USP44: variants seen among roughly 807,000 people sequenced by gnomAD.
The protein encoded by USP44 is ubiquitin specific peptidase 44, also known as ubiquitin carboxyl-terminal hydrolase 44.
In USP44, 61 loss-of-function variants were observed where a neutral mutation model predicts 69.0. That is an observed-to-expected ratio of 0.88 (90% CI 0.72 to 1.09). The LOEUF is 1.09. Ranked by LOEUF, USP44 falls within the 50% of genes least tolerant of loss-of-function variation. USP44 has a pLI of 0.00. For missense variants in USP44, 753 were observed against 849.9 expected, an observed-to-expected ratio of 0.89 and a Z score of 1.42; for synonymous variants, 297 against 295.4, an observed-to-expected ratio of 1.01 and a Z score of -0.06.
intron 5 of USP44, among the ~76,000 whole-genome samples, chr12:95,518,871 AG>A (rs929943935): frequency 1.3e-4 from 20 of 152,102 alleles, no homozygotes; most frequent in South Asian, 4.1e-4. Context: ...CCTGGGAGGC[AG>A]AGGTTGCAGT....
intron 1 of USP44, among the ~76,000 whole-genome samples, chr12:95,535,189 G>A (rs1010588028): frequency 3.9e-5 from 6 of 152,282 alleles, no homozygotes; most frequent in African/African-American, 1.4e-4. Context: ...TAAACCATCT[G>A]TAAAAGAGGG....
At chr12:95,529,104 A>G (rs2076941686) in intron 2 of USP44, 102 bp from the exon 3 acceptor site, 1 of 1,011,150 alleles carries the variant, frequency 9.9e-7, no homozygotes, top group South Asian at 2.0e-5. Context: ...TTCTCATGAA[A>G]ATGCACCATT....
At chr12:95,537,468 G>A (rs919142352) in intron 1 of USP44, among the ~76,000 whole-genome samples, 4 of 151,930 alleles carry the variant, frequency 2.6e-5, no homozygotes, top group Non-Finnish European at 5.9e-5. Context: ...ACAGGCACAC[G>A]TCACCATGTC....
intron 3 of USP44, among the ~76,000 whole-genome samples, chr12:95,526,399 T>C (rs1023452889): frequency 2.0e-5 from 3 of 152,066 alleles, no homozygotes; most frequent in Admixed American, 6.6e-5. Flanking sequence ...GGTGAAACCC[T>C]GTCTCTACTA....
chr12:95,542,796 TAGTA>T (rs2077432761), intron 1 of USP44, among the ~76,000 whole-genome samples: 1 of 143,092 alleles, frequency 7.0e-6, no homozygotes, highest in Non-Finnish European at 1.5e-5. Flanking sequence ...AGGTTGAAAA[TAGTA>T]AGTCCTTGGC....
intron 1 of USP44, among the ~76,000 whole-genome samples, chr12:95,544,394 C>T (rs1434776567): frequency 6.6e-6 from 1 of 152,070 alleles, no homozygotes; most frequent in African/African-American, 2.4e-5. Context: ...TTTCAGCCAG[C>T]CACTCTCTTT....
chr12:95,542,789 T>C (rs1318216518), intron 1 of USP44, among the ~76,000 whole-genome samples: 4 of 138,748 alleles, frequency 2.9e-5, no homozygotes, highest in African/African-American at 1.1e-4. Flanking sequence ...CAACCAGAGG[T>C]TGAAAATAGT....
At chr12:95,522,052 T>C in intron 4 of USP44, 1 of 985,430 alleles carries the variant, frequency 1.0e-6, no homozygotes, top group South Asian at 4.7e-5. Flanking sequence ...CTGCTGGTCA[T>C]ACTTCCCATT....
rs2076528137 is a variant in USP44, at chr12:95,517,988, A to G, written c.*166T>C. On this transcript the variant is annotated 3_prime_UTR_variant, in exon 6 of 6. Coordinates refer to ENST00000258499, the MANE Select transcript of USP44 (RefSeq NM_032147.5). ...AAATATGAAAAAAGTAGTTACCTTC[A>G]GTTGATATATACATTTATACTTTGT... 1.7e-6 allele frequency: 1 copy of G among 600,050 alleles called. No homozygotes were observed. The highest frequency in any genetic ancestry group is 2.7e-6 in the Non-Finnish European group (1 of 375,482). The allele number at this position is 600,050 out of a possible 1,614,324, so 37.2% of individuals were successfully genotyped here. A position where few individuals can be genotyped will look rare whatever the true frequency, so the allele number is the denominator to read the frequency against.
chr12:95,524,800 A>C lies in USP44; in HGVS notation c.1625-12T>G, dbSNP rs773385987. 29 of 1,577,262 alleles carry C rather than the reference A, an allele frequency of 1.8e-5. No homozygotes were observed. In the Middle Eastern group the frequency reaches 6.8e-4, roughly 37 times the overall value. ...CCTTCTACGCTTTGCTGTAACATCA[A>C]AGAAAGAATAAAAATCAAATTTCAT... On this transcript the variant is annotated splice_polypyrimidine_tract_variant and intron_variant, in intron 3 of 5. Transcript: ENST00000258499.
chr12:95,525,113 C>T (rs1263568992), intron 3 of USP44, among the ~76,000 whole-genome samples: 1 of 152,144 alleles, frequency 6.6e-6, no homozygotes, highest in African/African-American at 2.4e-5. Context: ...ACTCTGTTGC[C>T]CAGGCTGGAG....
intron 2 of USP44, among the ~76,000 whole-genome samples, chr12:95,530,961 G>A (rs752229215): frequency 3.3e-5 from 5 of 152,088 alleles, no homozygotes; most frequent in East Asian, 1.9e-4. Flanking sequence ...TCAGGAGATC[G>A]AGACCATCCT....
intron 5 of USP44, among the ~76,000 whole-genome samples, chr12:95,520,596 T>C (rs921258766): frequency 6.6e-6 from 1 of 152,198 alleles, no homozygotes; most frequent in Non-Finnish European, 1.5e-5. Context: ...GAGTTTTGTG[T>C]GTTAAACTTG....
At position 95,528,863 on chromosome 12, in the gene USP44, T is replaced by G; in HGVS notation, c.1568A>C (p.Lys523Thr). ...TTCTAAAGCTTCAGTTTCTGTAAAT[T>G]TGGCCAACATTTCAGTAACCAGACA... ...QPCLVTEMLAKFTETEALEGK... is the reference protein window; with the variant it reads ...QPCLVTEMLATFTETEALEGK... Residue 523 changes from lysine (K) to threonine (T), a missense_variant, in exon 3 of 6, where the codon AAA (lysine) becomes ACA (threonine). Physicochemically the swap from Lys to Thr is moderately conservative, Grantham distance 78. Transcript: ENST00000258499. 6.2e-7 allele frequency: 1 copy of G among 1,614,074 alleles called. No homozygotes were observed. The highest frequency in any genetic ancestry group is 8.5e-7 in the Non-Finnish European group (1 of 1,180,000).
chr12:95,543,168 A>C, intron 1 of USP44, among the ~76,000 whole-genome samples: 1 of 151,864 alleles, frequency 6.6e-6, no homozygotes, highest in Non-Finnish European at 1.5e-5. Context: ...TGGGAGGCTG[A>C]GGCAGGTGGA....
intron 1 of USP44, among the ~76,000 whole-genome samples, chr12:95,547,286 C>A (rs956869928): frequency 2.6e-5 from 4 of 152,014 alleles, no homozygotes; most frequent in Non-Finnish European, 2.9e-5. Flanking sequence ...TTTGGATAGC[C>A]CACAGTGATA....
rs1327889351 is a variant in USP44 at position 95,533,543 on chromosome 12, T to C, written c.714A>G (p.Ala238=). The part of the protein sequence containing the change: ...VSVQVPAQTP[A]SPAKDKVLST... ...AGAGTACTTTATCTTTTGCTGGTGA[T>C]GCTGGCGTTTGTGCTGGCACCTGAA... The change falls in exon 2 of 6, where the codon GCA becomes GCG. Residue 238 remains alanine (A), a synonymous_variant. Coordinates refer to ENST00000258499, the MANE Select transcript of USP44 (RefSeq NM_032147.5). 3.7e-6 allele frequency: 6 copies of C among 1,613,656 alleles called. No homozygotes were observed. The highest frequency in any genetic ancestry group is 5.1e-6 in the Non-Finnish European group (6 of 1,179,864).
rs2076480570 is a variant in USP44, at chr12:95,516,691, G to A, written c.*1463C>T. The A allele has an allele frequency of 6.6e-6, 1 of 152,112 alleles. No homozygotes were observed. The highest frequency in any genetic ancestry group is 1.5e-5 in the Non-Finnish European group (1 of 68,016). 9.4% of individuals were successfully genotyped at this position (152,112 alleles called of 1,614,324 possible). A position where few individuals can be genotyped will look rare whatever the true frequency, so the allele number is the denominator to read the frequency against. Reference sequence around the variant, plus strand: ...TTCCAGATGTATTTTCGGCACAAATGATTTGTCTATTCAGTGATAAAAGTC... The same window carrying A: ...TTCCAGATGTATTTTCGGCACAAATAATTTGTCTATTCAGTGATAAAAGTC... On this transcript the variant is annotated 3_prime_UTR_variant, in exon 6 of 6. Transcript: ENST00000258499.
intron 1 of USP44, among the ~76,000 whole-genome samples, chr12:95,549,428 C>A (rs1338675330): frequency 2.0e-5 from 3 of 151,872 alleles, no homozygotes; most frequent in Non-Finnish European, 1.5e-5. Flanking sequence ...AAGTACATAC[C>A]GAAAAGGAAA....
Sources: gnomAD v4.1 joint callset for allele counts (sites outside exome capture counted in the v4.1 genomes callset) on GRCh38, gnomAD v4.1.1 for gene constraint, MANE v1.5 for transcripts, NCBI Gene and HGNC (gene_info 2026-07-23, HGNC 2026-07-21) for gene names.